The following KALRN variants were observed in gnomAD, a reference collection of about 807,000 sequenced individuals.
KALRN encodes the protein kalirin RhoGEF kinase.
A neutral mutation model predicts 353.7 loss-of-function variants in KALRN; 70 were observed. The ratio of observed to expected loss-of-function variants is 0.20; its 90% CI spans 0.16 to 0.24. The LOEUF (loss-of-function observed/expected upper bound fraction) is 0.24, where lower values mean the gene tolerates loss of function less well. Among genes scored for constraint, KALRN ranks in the 10% least tolerant of loss-of-function variants. KALRN has a pLI of 1.00. For synonymous variants in KALRN, 1,391 were observed against 1,434.8 expected (o/e 0.97, Z 0.69); for missense variants, 2,791 against 3,756.7 (o/e 0.74, Z 6.72).
chr3:124,119,437 C>G (rs1410087991), intron 1 of KALRN, among the ~76,000 whole-genome samples: 1 of 152,210 alleles, frequency 6.6e-6, no homozygotes, highest in Non-Finnish European at 1.5e-5. Context: ...TTAAGACAAA[C>G]ATAAATCTCA....
chr3:124,505,758 C>T (rs1329922726), intron 33 of KALRN, among the ~76,000 whole-genome samples: 1 of 152,258 alleles, frequency 6.6e-6, no homozygotes, highest in Non-Finnish European at 1.5e-5. Flanking sequence ...TCTGCTTTCG[C>T]TGGAGCTCCC....
chr3:124,209,097 A>G (rs116166759), intron 1 of KALRN, among the ~76,000 whole-genome samples: 1,701 of 152,156 alleles, frequency 0.011, 36 homozygotes, highest in African/African-American at 0.039. Context: ...ATTTATAGGG[A>G]CTTTATGTAC....
At position 124,504,673 on chromosome 3, in the gene KALRN, G is replaced by A. The variant is rs541494641; in HGVS notation, c.4935+8260G>A. The A allele has an allele frequency of 1.9e-3, 679 of 365,354 alleles. 1 individual carries two copies. The highest frequency in any genetic ancestry group is 2.8e-3 in the Non-Finnish European group (498 of 180,558). 22.6% of individuals were successfully genotyped at this position (365,354 alleles called of 1,614,324 possible). ...CACATCATAGCCTTGGTGGGAGTGT[G>A]ATTCTGCCCTAGACAGAATCTTCCA... On this transcript the variant is annotated intron_variant, in intron 33 of 59. Coordinates refer to ENST00000682506, the MANE Select transcript of KALRN (RefSeq NM_001388419.1).
At chr3:124,487,695 A>G (rs1432497444) in intron 28 of KALRN, among the ~76,000 whole-genome samples, 1 of 152,182 alleles carries the variant, frequency 6.6e-6, no homozygotes, top group African/African-American at 2.4e-5. Flanking sequence ...TCCAACCTCA[A>G]GTTGTTCCCA....
chr3:124,149,605 A>G (rs1360167184), intron 1 of KALRN, among the ~76,000 whole-genome samples: 1 of 152,190 alleles, frequency 6.6e-6, no homozygotes, highest in Non-Finnish European at 1.5e-5. Flanking sequence ...TATCCATGCT[A>G]TGGAACTTGC....
At chr3:124,697,458 A>G in intron 54 of KALRN, 135 bp from the exon 55 acceptor site, 1 of 796,710 alleles carries the variant, frequency 1.3e-6, no homozygotes, top group Non-Finnish European at 1.9e-6. Flanking sequence ...GGAGAAAGGT[A>G]TGCCACTTGG....
chr3:124,639,705 C>T (rs1443310181), intron 37 of KALRN, among the ~76,000 whole-genome samples: 1 of 152,136 alleles, frequency 6.6e-6, no homozygotes, highest in Non-Finnish European at 1.5e-5. Context: ...ATTATAGGCT[C>T]TCAATAAATG....
At chr3:124,423,203 A>T (rs2063779740) in intron 15 of KALRN, among the ~76,000 whole-genome samples, 2 of 152,184 alleles carry the variant, frequency 1.3e-5, no homozygotes, top group African/African-American at 4.8e-5. Flanking sequence ...CAAATGCATG[A>T]TTTCTCTCTT....
At chr3:124,667,279 A>G in intron 47 of KALRN, 96 bp downstream of exon 47, 1 of 1,125,252 alleles carries the variant, frequency 8.9e-7, no homozygotes, top group Non-Finnish European at 1.2e-6. Flanking sequence ...TTATGAACCC[A>G]GATCACATTT....
chr3:124,197,566 C>T, intron 1 of KALRN, among the ~76,000 whole-genome samples: 1 of 152,234 alleles, frequency 6.6e-6, no homozygotes, highest in East Asian at 1.9e-4. Context: ...AACTTTCCCA[C>T]ACGTTCTCTG....
At chr3:124,512,859 TTA>T (rs1308844911) in intron 33 of KALRN, among the ~76,000 whole-genome samples, 1 of 152,150 alleles carries the variant, frequency 6.6e-6, no homozygotes, top group Non-Finnish European at 1.5e-5. Flanking sequence ...AGTTTTTGTA[TTA>T]TGTCTTACAA....
At chr3:124,225,582 C>T (rs1243222268) in intron 1 of KALRN, among the ~76,000 whole-genome samples, 1 of 152,152 alleles carries the variant, frequency 6.6e-6, no homozygotes, top group African/African-American at 2.4e-5. Context: ...CATGGACAAG[C>T]TGCACACCTT....
In KALRN at chr3:124,519,704, C is replaced by T. The variant is rs1561210549; in HGVS notation, c.4935+23291C>T. ...CAAAGTGTCATTCTCTGGAATTGCACCTGGCTCAGGAAAGGACTGTCTTTG... is the reference window on the plus strand; with the variant it reads ...CAAAGTGTCATTCTCTGGAATTGCATCTGGCTCAGGAAAGGACTGTCTTTG... On this transcript the variant is annotated intron_variant, in intron 33 of 59. Coordinates refer to ENST00000682506, the MANE Select transcript of KALRN (RefSeq NM_001388419.1). 3.0e-6 allele frequency: 3 copies of T among 985,394 alleles called. 1 individual carries two copies. Among genetic ancestry groups the T allele is most frequent in the Non-Finnish European group, 1.2e-6 (1 of 829,928 alleles). The allele number at this position is 985,394 out of a possible 1,614,324, so 61.0% of individuals were successfully genotyped here. A position where few individuals can be genotyped will look rare whatever the true frequency, so the allele number is the denominator to read the frequency against.
chr3:124,400,669 A>G (rs1185445293), intron 13 of KALRN, among the ~76,000 whole-genome samples: 1 of 152,204 alleles, frequency 6.6e-6, no homozygotes, highest in Non-Finnish European at 1.5e-5. Context: ...GAGATAAAAG[A>G]GAGGGTATGG....
intron 15 of KALRN, among the ~76,000 whole-genome samples, chr3:124,423,602 A>G (rs542538079): frequency 7.2e-5 from 11 of 152,368 alleles, no homozygotes; most frequent in African/African-American, 2.6e-4. Flanking sequence ...CAGGCCAGGC[A>G]TGGTGGTTCA....
chr3:124,637,134 T>C, intron 36 of KALRN, 74 bp from the exon 37 acceptor site: 9 of 1,245,920 alleles, frequency 7.2e-6, no homozygotes, highest in South Asian at 1.2e-5. Context: ...CTTTGGACTT[T>C]CTGTTTTATT....
intron 34 of KALRN, among the ~76,000 whole-genome samples, chr3:124,597,773 A>G (rs1438709006): frequency 2.1e-5 from 3 of 146,136 alleles, no homozygotes; most frequent in African/African-American, 7.4e-5. Flanking sequence ...ATTGTTTTGA[A>G]ATGAAATATG....
chr3:124,455,440 A>T, intron 22 of KALRN, 81 bp downstream of exon 22: 2 of 1,391,290 alleles, frequency 1.4e-6, no homozygotes. Flanking sequence ...ATGGAAGAAA[A>T]GCATGTTTCC....
At chr3:124,424,494 T>C (rs1232168224) in intron 15 of KALRN, among the ~76,000 whole-genome samples, 1 of 152,030 alleles carries the variant, frequency 6.6e-6, no homozygotes, top group African/African-American at 2.4e-5. Context: ...AACACTGTCT[T>C]CTCCACTCCC....
Sources: gnomAD v4.1 joint callset for allele counts (sites outside exome capture counted in the v4.1 genomes callset) on GRCh38, gnomAD v4.1.1 for gene constraint, MANE v1.5 for transcripts, NCBI Gene and HGNC (gene_info 2026-07-23, HGNC 2026-07-21) for gene names.